Variants in PDE1B observed in about 807,000 individuals in gnomAD.
The protein encoded by PDE1B is phosphodiesterase 1B.
A neutral mutation model predicts 66.7 loss-of-function variants in PDE1B; 13 were observed. That is an observed-to-expected ratio of 0.19 (90% CI 0.13 to 0.31). The LOEUF is 0.31. Ranked by LOEUF, PDE1B falls within the 10% of genes least tolerant of loss-of-function variation. The pLI is 1.00. For synonymous variants in PDE1B, 230 were observed against 253.9 expected (o/e 0.91, Z 0.90); for missense variants, 485 against 682.3 (o/e 0.71, Z 3.22).
rs1957728826 is a variant in PDE1B at position 54,575,720 on chromosome 12, C to G, written c.1267+88C>G. ...GGATTGCTCCAAGTCCTCAATCCCC[C>G]CAAACCATTCTTCCTGTAGAGGAAA... On this transcript the variant is annotated intron_variant, in intron 12 of 15. Coordinates refer to ENST00000243052, the MANE Select transcript of PDE1B (RefSeq NM_000924.4). This position sits in a 1 kb window ranked among gnomAD's most constrained non-coding sequence, Gnocchi z 4.0. The G allele has an allele frequency of 9.2e-6, 9 of 975,388 alleles. No individual in the cohort carries two copies. The highest frequency in any genetic ancestry group is 1.5e-5 in the Non-Finnish European group (9 of 610,186). The allele number at this position is 975,388 out of a possible 1,614,324, so 60.4% of individuals were successfully genotyped here.
chr12:54,558,101 C>A (rs1434037037), intron 2 of PDE1B, among the ~76,000 whole-genome samples: 1 of 152,134 alleles, frequency 6.6e-6, no homozygotes, highest in Non-Finnish European at 1.5e-5. Flanking sequence ...CTAGGAACAC[C>A]TGTTAGAAAC....
At chr12:54,567,783 G>A (rs886857006) in intron 3 of PDE1B, among the ~76,000 whole-genome samples, 15 of 152,026 alleles carry the variant, frequency 9.9e-5, no homozygotes, top group African/African-American at 3.4e-4. Flanking sequence ...AGTATGAACT[G>A]AGATGTGTAC....
chr12:54,551,063 A>G (rs1179248510), intron 2 of PDE1B, among the ~76,000 whole-genome samples: 1 of 152,198 alleles, frequency 6.6e-6, no homozygotes, highest in African/African-American at 2.4e-5. Flanking sequence ...TTTAGAGAGG[A>G]AACACAGTAA....
At chr12:54,561,444 G>T (rs1483125195) in intron 2 of PDE1B, 4 of 1,269,306 alleles carry the variant, frequency 3.2e-6, no homozygotes, top group Non-Finnish European at 4.0e-6. Flanking sequence ...CCTCCCCAAA[G>T]TTCTCTCTGG....
intron 2 of PDE1B, chr12:54,550,279 G>A (rs1477372088): frequency 2.4e-6 from 3 of 1,231,582 alleles, no homozygotes; most frequent in Non-Finnish European, 2.1e-6. Flanking sequence ...TATATGCAGT[G>A]TGGCAGGGCT....
chr12:54,573,100 G>T lies in PDE1B; in HGVS notation c.736-48G>T. 1 of 1,373,768 alleles carries T rather than the reference G, an allele frequency of 7.3e-7. No homozygotes were observed. The highest frequency in any genetic ancestry group is 1.2e-5 in the South Asian group (1 of 86,042). The allele number at this position is 1,373,768 out of a possible 1,614,324, so 85.1% of individuals were successfully genotyped here. ...CTGTGTGTGGAGGTTCCTGGGAAGT[G>T]ACCAGCAGGCGTCACCCCTCTCTCA... On this transcript the variant is annotated intron_variant, in intron 7 of 15. Coordinates refer to ENST00000243052, the MANE Select transcript of PDE1B (RefSeq NM_000924.4). This position sits in a 1 kb window ranked among gnomAD's most constrained non-coding sequence, Gnocchi z 5.2.
At chr12:54,555,310 G>T (rs1957329968) in intron 2 of PDE1B, among the ~76,000 whole-genome samples, 1 of 152,166 alleles carries the variant, frequency 6.6e-6, no homozygotes, top group Admixed American at 6.5e-5. Context: ...GGTATCATCA[G>T]TTATACCACA....
In PDE1B at chr12:54,569,038, A is replaced by T; in HGVS notation, c.228-146A>T. 1.5e-6 allele frequency: 2 copies of T among 1,340,868 alleles called. No individual in the cohort carries two copies. The highest frequency in any genetic ancestry group is 9.9e-7 in the Non-Finnish European group (1 of 1,008,946). The allele number at this position is 1,340,868 out of a possible 1,614,324, so 83.1% of individuals were successfully genotyped here. A position where few individuals can be genotyped will look rare whatever the true frequency, so the allele number is the denominator to read the frequency against. On this transcript the variant is annotated intron_variant, in intron 3 of 15. Transcript: ENST00000243052. This position sits in a 1 kb window ranked among gnomAD's most constrained non-coding sequence, Gnocchi z 4.4. ...TGGAGATGTTAGATAAAGAAATAAA[A>T]AGATATAGAGAAAGAAAGGAAACAG...
intron 2 of PDE1B, among the ~76,000 whole-genome samples, chr12:54,551,070 G>T (rs148023074): frequency 1.3e-5 from 2 of 152,194 alleles, no homozygotes; most frequent in African/African-American, 4.8e-5. Context: ...AGGAAACACA[G>T]TAAACATAGC....
chr12:54,575,184 G>C lies in PDE1B; in HGVS notation c.1151G>C (p.Trp384Ser). ...AAGCAGTGGTTGGTCCACAGCCGTT[G>C]GACCAAGGCCCTCATGGAGGAATTC... ...PTKQWLVHSR[W>S]TKALMEEFFR... Residue 384 changes from tryptophan to serine, a missense_variant, in exon 11 of 16, where the codon TGG becomes TCG. Physicochemically the swap from Trp to Ser is radical, Grantham distance 177 (BLOSUM62 -3). Coordinates refer to ENST00000243052, the MANE Select transcript of PDE1B (RefSeq NM_000924.4). The surrounding 1 kb of genome is among the most constrained non-coding windows in gnomAD (Gnocchi z 4.0). 1 of 1,613,494 alleles carries C rather than the reference G, an allele frequency of 6.2e-7. No individual in the cohort carries two copies. The highest frequency in any genetic ancestry group is 8.5e-7 in the Non-Finnish European group (1 of 1,179,550).
rs867519839 is a variant in PDE1B, at chr12:54,549,883, C to T, written c.11C>T (p.Ser4Phe). MEL[S>F]PRSPPEMLEE... ...AGACCGTGGCTGAGCATGGAGCTGT[C>T]CCCCCGCAGTCCTCCGGAGATGCTG... The change falls in exon 2 of 16, where the codon TCC (serine) becomes TTC (phenylalanine). Residue 4 changes from serine (S) to phenylalanine (F), a missense_variant. Around this residue, in one of 4 missense-constraint regions of PDE1B, gnomAD observed 74 missense variants for 78.7 expected, o/e 0.94. Transcript: ENST00000243052. 3 of 1,612,668 alleles carry T rather than the reference C, an allele frequency of 1.9e-6. No homozygotes were observed. Among genetic ancestry groups the T allele is most frequent in the Non-Finnish European group, 2.5e-6 (3 of 1,179,034 alleles).
chr12:54,564,183 C>A (rs1203548377), intron 2 of PDE1B, among the ~76,000 whole-genome samples: 1 of 152,072 alleles, frequency 6.6e-6, no homozygotes, highest in Middle Eastern at 3.2e-3. Context: ...AAATAACACC[C>A]CCCACACCCA....
chr12:54,551,679 C>T (rs1957279879), intron 2 of PDE1B, among the ~76,000 whole-genome samples: 1 of 152,174 alleles, frequency 6.6e-6, no homozygotes, highest in African/African-American at 2.4e-5. Flanking sequence ...ACTAGTTTCA[C>T]TATCTCCCAC....
In PDE1B at chr12:54,549,842, C is replaced by G; in HGVS notation, c.-13-18C>G. 1.9e-6 allele frequency: 3 copies of G among 1,552,118 alleles called. No individual in the cohort carries two copies. The highest frequency in any genetic ancestry group is 2.7e-6 in the Non-Finnish European group (3 of 1,125,306). ...CTGAAGCTGAGCCGAGGTGCTGTCT[C>G]CTCCTTCTGTTCCGTAGACCGTGGC... On this transcript the variant is annotated intron_variant, in intron 1 of 15. Transcript: ENST00000243052.
In PDE1B at chr12:54,575,393, C is replaced by T; in HGVS notation, c.1186-158C>T. On this transcript the variant is annotated intron_variant, in intron 11 of 15. Transcript: ENST00000243052. The surrounding 1 kb of genome is among the most constrained non-coding windows in gnomAD (Gnocchi z 4.0). Reference sequence around the variant, plus strand: ...TAAAAGCCTAACAATAGTTGCATTTCATTTGCATATATTTCATTTGCATAT... The same window carrying T: ...TAAAAGCCTAACAATAGTTGCATTTTATTTGCATATATTTCATTTGCATAT... The T allele has an allele frequency of 3.9e-6, 3 of 767,622 alleles. No individual in the cohort carries two copies. Among genetic ancestry groups the T allele is most frequent in the East Asian group, 4.9e-5 (2 of 40,646 alleles). The allele number at this position is 767,622 out of a possible 1,614,324, so 47.6% of individuals were successfully genotyped here.
At chr12:54,555,081 A>G (rs964318688) in intron 2 of PDE1B, among the ~76,000 whole-genome samples, 10 of 152,194 alleles carry the variant, frequency 6.6e-5, no homozygotes, top group Non-Finnish European at 1.2e-4. Flanking sequence ...GTGGGACTAG[A>G]GGAGGGCAAT....
At position 54,575,112 on chromosome 12, in the gene PDE1B, A is replaced by G. The variant is rs1957708753; in HGVS notation, c.1079A>G (p.Lys360Arg). Residue 360 changes from lysine (K) to arginine (R), a missense_variant, in exon 11 of 16, where the codon AAG becomes AGG. Lys to Arg is a conservative substitution (Grantham distance 26). This residue lies in a region of PDE1B where 282 missense variants were observed against 453.4 expected (regional missense o/e 0.62). Transcript: ENST00000243052. This position sits in a 1 kb window ranked among gnomAD's most constrained non-coding sequence, Gnocchi z 4.0. ...GCCCCAACCAGGATTGACAAGCCCAAGGCCCTGTCTCTACTGCTCCATGCT... is the reference window on the plus strand; with the variant it reads ...GCCCCAACCAGGATTGACAAGCCCAGGGCCCTGTCTCTACTGCTCCATGCT... ...LQQLERIDKP[K>R]ALSLLLHAAD... is the part of the protein sequence containing the mutation. 3 of 1,613,810 alleles carry G rather than the reference A, an allele frequency of 1.9e-6. No individual in the cohort carries two copies. The highest frequency in any genetic ancestry group is 2.5e-6 in the Non-Finnish European group (3 of 1,179,894).
chr12:54,571,029 C>T (rs138924143), intron 6 of PDE1B: 4 of 152,328 alleles, frequency 2.6e-5, no homozygotes, highest in South Asian at 2.1e-4. Context: ...GTTGAAGAGC[C>T]GTAATGGGGA....
chr12:54,556,356 A>G (rs1429804722), intron 2 of PDE1B, among the ~76,000 whole-genome samples: 2 of 152,132 alleles, frequency 1.3e-5, no homozygotes, highest in Non-Finnish European at 2.9e-5. Context: ...ATGGGAATTG[A>G]GCAGGGAAAA....
Sources: gnomAD v4.1 joint callset for allele counts (sites outside exome capture counted in the v4.1 genomes callset) on GRCh38, gnomAD v4.1.1 for gene constraint, gnomAD v4.1.1 regional missense constraint, Gnocchi (gnomAD v3.1) non-coding constraint, MANE v1.5 for transcripts, NCBI Gene and HGNC (gene_info 2026-07-23, HGNC 2026-07-21) for gene names.